Variants in CD22 observed in about 807,000 individuals in gnomAD.
CD22 encodes CD22 molecule.
Under a neutral mutation model 94.7 loss-of-function variants are expected in CD22, and 51 were observed. The ratio of observed to expected loss-of-function variants is 0.54; its 90% CI spans 0.43 to 0.68. The LOEUF (loss-of-function observed/expected upper bound fraction) is 0.68. Ranked by LOEUF, CD22 falls within the 30% of genes least tolerant of loss-of-function variation. The probability of loss-of-function intolerance (pLI) is 0.00; values close to 1 mark genes in which losing one functional copy is unlikely to be tolerated. For synonymous variants in CD22, 424 were observed against 422.5 expected (o/e 1.00, Z -0.04); for missense variants, 931 against 1,060.4 (o/e 0.88, Z 1.69).
At position 35,337,340 on chromosome 19, in the gene CD22, AG is replaced by A. The variant is rs1360867717; in HGVS notation, c.719-412del. On this transcript the variant is annotated intron_variant, in intron 4 of 13. Transcript: ENST00000085219. This position sits in a 1 kb window ranked among gnomAD's most constrained non-coding sequence, Gnocchi z 4.4. The stretch of plus-strand genomic sequence containing the variant: ...GAGAGGAGGATTTCAGGGAAAGAGA[AG>A]GGCAGGTTCAAAGCTTTGAGGCAGC... 1.3e-5 allele frequency among the ~76,000 whole-genome samples: 2 copies of A among 152,148 alleles called. No homozygotes were observed. Among genetic ancestry groups the A allele is most frequent in the East Asian group, 1.9e-4 (1 of 5,188 alleles).
chr19:35,339,175 G>A (rs1332854182), intron 6 of CD22, among the ~76,000 whole-genome samples: 1 of 152,118 alleles, frequency 6.6e-6, no homozygotes, highest in Non-Finnish European at 1.5e-5. Flanking sequence ...AGTGAAGGCT[G>A]CAGACTGAAC....
At chr19:35,338,999 C>T (rs111464661) in intron 6 of CD22, among the ~76,000 whole-genome samples, 8,526 of 150,886 alleles carry the variant, frequency 0.057, 379 homozygotes, top group East Asian at 0.15. Flanking sequence ...CTTTAGGAGG[C>T]TGAGGCAGGA....
intron 5 of CD22, 69 bp from the exon 6 acceptor site, chr19:35,338,099 C>T (rs2066751465): frequency 6.4e-7 from 1 of 1,573,494 alleles, no homozygotes; most frequent in East Asian, 2.2e-5. Context: ...CACGGGGGCT[C>T]TCGGGGCCGT....
Position 35,338,390 on chromosome 19 carries a change from GTA to G in CD22, c.1209_1210del (p.Thr404TrpfsTer8). 2 of 1,614,114 alleles carry G rather than the reference GTA, an allele frequency of 1.2e-6. No homozygotes were observed. The highest frequency in any genetic ancestry group is 1.7e-6 in the Non-Finnish European group (2 of 1,180,006). ...TCCTGTGTGGCAGAAAACATTCTTG[GTA>G]CTGGACAGAGGGGCCCGGGAGCTGA... On this transcript the variant is annotated frameshift_variant, in exon 6 of 14. Transcript: ENST00000085219. LOFTEE classifies it high-confidence loss of function.
intron 6 of CD22, among the ~76,000 whole-genome samples, chr19:35,338,872 A>T (rs531691533): frequency 6.6e-6 from 1 of 151,142 alleles, no homozygotes; most frequent in South Asian, 2.1e-4. Context: ...CTCGTGATCC[A>T]CCCGCCTCGG....
At position 35,345,422 on chromosome 19, in the gene CD22, A is replaced by AAAC. The variant is rs1240839257; in HGVS notation, c.2209-178_2209-177insCAA. 800 of 177,468 alleles carry AAAC rather than the reference A, an allele frequency of 4.5e-3. 1 individual carries two copies. Among genetic ancestry groups the AAAC allele is most frequent in the Middle Eastern group, 0.014 (7 of 512 alleles). The allele number at this position is 177,468 out of a possible 1,614,324, so 11.0% of individuals were successfully genotyped here. On this transcript the variant is annotated intron_variant, in intron 11 of 13. Transcript: ENST00000085219. ...GGTGACATACTGAGACTCTGCCTCA[A>AAAC]AAAAAAAAAAAAAAAAAAAAAAAGG...
At chr19:35,330,038 A>C (rs1420259383) in intron 1 of CD22, 1 of 152,206 alleles carries the variant, frequency 6.6e-6, no homozygotes, top group Admixed American at 6.6e-5. Context: ...AAAGAATCTT[A>C]CTTAAGCCAG....
intron 9 of CD22, 146 bp downstream of exon 9, chr19:35,342,111 CT>C (rs1218559052): frequency 5.4e-5 from 34 of 633,652 alleles, no homozygotes; most frequent in South Asian, 1.1e-4. Flanking sequence ...CCTCTTCCTC[CT>C]TCTTCTTCTT....
intron 6 of CD22, 50 bp downstream of exon 6, chr19:35,338,481 G>A (rs761637120): frequency 1.3e-6 from 2 of 1,572,628 alleles, no homozygotes; most frequent in Non-Finnish European, 1.7e-6. Context: ...TGGACACAGG[G>A]AACGGGGAAG....
At chr19:35,331,438 G>A (rs1156405785) in intron 1 of CD22, among the ~76,000 whole-genome samples, 1 of 152,178 alleles carries the variant, frequency 6.6e-6, no homozygotes, top group Non-Finnish European at 1.5e-5. Context: ...TGGATGAATG[G>A]ATGGATGGGA....
chr19:35,340,979 A>G lies in CD22; in HGVS notation c.1348A>G (p.Ser450Gly), dbSNP rs776839232. The G allele has an allele frequency of 9.3e-6, 15 of 1,614,056 alleles. No homozygotes were observed. The Admixed American group carries it at 2.3e-4, about 25-fold the overall frequency. ...CTGTAACTACAATTCCAGTAACCCCAGTGTTACCCGGTATGAATGGAAACC... is the reference window on the plus strand; with the variant it reads ...CTGTAACTACAATTCCAGTAACCCCGGTGTTACCCGGTATGAATGGAAACC... ...LSCNYNSSNP[S>G]VTRYEWKPHG... The change falls in exon 7 of 14, where the codon AGT (serine) becomes GGT (glycine). Residue 450 changes from serine to glycine, a missense_variant. Coordinates refer to ENST00000085219, the MANE Select transcript of CD22 (RefSeq NM_001771.4).
chr19:35,343,300 T>C (rs1334718513), intron 9 of CD22, among the ~76,000 whole-genome samples: 1 of 151,666 alleles, frequency 6.6e-6, no homozygotes. Context: ...CATGAAAGGG[T>C]AAATAGTGGA....
rs1285264043 is a variant in CD22, at chr19:35,341,909, A to G, written c.1979A>G (p.Gln660Arg). 1.9e-6 allele frequency: 3 copies of G among 1,613,854 alleles called. No homozygotes were observed. Among genetic ancestry groups the G allele is most frequent in the Non-Finnish European group, 2.5e-6 (3 of 1,179,970 alleles). ...CAGCACTCGGGTGCCTACTGGTGCCAGGGGACCAACAGTGTGGGCAAGGGC... is the reference window on the plus strand; with the variant it reads ...CAGCACTCGGGTGCCTACTGGTGCCGGGGGACCAACAGTGTGGGCAAGGGC... ...KVQHSGAYWC[Q>R]GTNSVGKGRS... The change falls in exon 9 of 14, where the codon CAG becomes CGG. Residue 660 changes from glutamine (Q) to arginine (R), a missense_variant. Coordinates refer to ENST00000085219, the MANE Select transcript of CD22 (RefSeq NM_001771.4). This position sits in a 1 kb window ranked among gnomAD's most constrained non-coding sequence, Gnocchi z 4.0.
At position 35,337,749 on chromosome 19, in the gene CD22, C is replaced by A; in HGVS notation, c.719-6C>A. On this transcript the variant is annotated splice_polypyrimidine_tract_variant and splice_region_variant and intron_variant, in intron 4 of 13. Transcript: ENST00000085219. This position sits in a 1 kb window ranked among gnomAD's most constrained non-coding sequence, Gnocchi z 4.4. ...CCCCTCCCCGACTGCCCCTCTGCTC[C>A]TCCAGACACCCCGAAGTTGGAGATC... The A allele has an allele frequency of 6.3e-7, 1 of 1,589,744 alleles. No individual in the cohort carries two copies. The highest frequency in any genetic ancestry group is 8.6e-7 in the Non-Finnish European group (1 of 1,162,364).
rs1238388112 is a variant in CD22, at chr19:35,330,343, G to GA, written c.-23+1122dup. Among the ~76,000 whole-genome samples the GA allele has an allele frequency of 3.3e-5, 5 of 150,594 alleles. No individual in the cohort carries two copies. The East Asian group carries it at 5.8e-4, about 18-fold the overall frequency. ...AGAAGAATGAGACTCTGTCTCAAAA[G>GA]AAAAAAAAAGAATCTTACTTAACTC... On this transcript the variant is annotated intron_variant, in intron 1 of 13. Transcript: ENST00000085219.
intron 9 of CD22, chr19:35,344,587 A>T: frequency 2.1e-6 from 1 of 483,408 alleles, no homozygotes; most frequent in Non-Finnish European, 3.7e-6. Flanking sequence ...TGCGGGTCAC[A>T]GGCTCTGGGC....
chr19:35,338,204 C>T lies in CD22; in HGVS notation c.1022C>T (p.Ser341Leu), dbSNP rs752530049. Reference sequence around the variant, plus strand: ...CCTTCCACGGTTCAGATCCTCCACTCACCGGCTGTGGAGGGAAGTCAAGTC... The same window carrying T: ...CCTTCCACGGTTCAGATCCTCCACTTACCGGCTGTGGAGGGAAGTCAAGTC... Reference protein sequence around the residue: ...PEPSTVQILHSPAVEGSQVEF... With the variant: ...PEPSTVQILHLPAVEGSQVEF... The change falls in exon 6 of 14, where the codon TCA becomes TTA. Residue 341 changes from serine (S) to leucine (L), a missense_variant. By Grantham distance (145) the Ser-to-Leu change is moderately radical. Transcript: ENST00000085219. 7 of 1,613,860 alleles carry T rather than the reference C, an allele frequency of 4.3e-6. No individual in the cohort carries two copies. Among genetic ancestry groups the T allele is most frequent in the Non-Finnish European group, 5.9e-6 (7 of 1,179,862 alleles).
chr19:35,335,819 C>T (rs2066714743), intron 3 of CD22, among the ~76,000 whole-genome samples: 1 of 152,100 alleles, frequency 6.6e-6, no homozygotes, highest in Admixed American at 6.6e-5. Flanking sequence ...CGCGCCACTG[C>T]ACTCCAGCCT....
Position 35,341,364 on chromosome 19 carries a change from T to G in CD22, c.1529T>G (p.Val510Gly). Residue 510 changes from valine (V) to glycine (G), a missense_variant, in exon 8 of 14, where the codon GTC becomes GGC. Physicochemically the swap from Val to Gly is moderately radical, Grantham distance 109 (BLOSUM62 -3). Transcript: ENST00000085219. The surrounding 1 kb of genome is among the most constrained non-coding windows in gnomAD (Gnocchi z 4.0). ...NVQYAPRDVRVRKIKPLSEIH... is the reference protein window; with the variant it reads ...NVQYAPRDVRGRKIKPLSEIH... ...CCAGATGCCCCCCGAGACGTGAGGG[T>G]CCGGAAAATCAAGCCCCTTTCCGAG... 6.3e-7 allele frequency: 1 copy of G among 1,598,808 alleles called. No homozygotes were observed. Among genetic ancestry groups the G allele is most frequent in the Non-Finnish European group, 8.5e-7 (1 of 1,173,258 alleles).
Sources: allele counts gnomAD v4.1 joint callset (sites outside exome capture counted in the v4.1 genomes callset), GRCh38; gene constraint gnomAD v4.1.1; non-coding constraint Gnocchi (gnomAD v3.1); transcripts MANE v1.5; gene names NCBI Gene and HGNC (gene_info 2026-07-23, HGNC 2026-07-21).